FPGS: variants seen among roughly 807,000 people sequenced by gnomAD.
FPGS encodes the protein folylpolyglutamate synthase, mitochondrial.
Under a neutral mutation model 66.5 loss-of-function variants are expected in FPGS, and 53 were observed. The observed-to-expected ratio is 0.80, with a 90% CI of 0.64 to 1.00. FPGS has a LOEUF of 1.00. FPGS is among the 50% of genes least tolerant of loss of function. The pLI, the probability that FPGS is intolerant of heterozygous loss-of-function variation, is 0.00. For synonymous variants in FPGS, 348 were observed against 350.9 expected, an observed-to-expected ratio of 0.99 and a Z score of 0.09; for missense variants, 702 against 807.7, an observed-to-expected ratio of 0.87 and a Z score of 1.59.
At position 127,807,048 on chromosome 9, in the gene FPGS, G is replaced by A. The variant is rs1564442402; in HGVS notation, c.462G>A (p.Lys154=). ...GQPISPELFT[K]YFWRLYHRLE... ...CCATCAGTCCTGAGCTCTTCACCAA[G>A]TACTTCTGGCGCCTCTACCACCGGC... Residue 154 remains lysine (K), a synonymous_variant, in exon 5 of 15, where the codon AAG becomes AAA. Transcript: ENST00000373247. The surrounding 1 kb of genome is among the most constrained non-coding windows in gnomAD (Gnocchi z 5.8). 1.9e-6 allele frequency: 3 copies of A among 1,614,040 alleles called. No homozygotes were observed. The highest frequency in any genetic ancestry group is 1.1e-5 in the South Asian group (1 of 91,092).
At chr9:127,814,301 G>C (rs151246096), downstream of FPGS, 134 of 272,536 alleles carry the variant, frequency 4.9e-4, 1 homozygote, top group African/African-American at 2.9e-3. Flanking sequence ...CAGAGACCTT[G>C]TGATGGAGAA....
chr9:127,810,009 C>T lies in FPGS; in HGVS notation c.1212-22C>T, dbSNP rs1332825193. 11 of 1,603,860 alleles carry T rather than the reference C, an allele frequency of 6.9e-6. No individual in the cohort carries two copies. The South Asian group carries it at 1.2e-4, about 18-fold the overall frequency. On this transcript the variant is annotated intron_variant, in intron 12 of 14. Transcript: ENST00000373247. ...GGAGAACGGGCGGCGCCCTTTGACC[C>T]AGCTCCTCACCTCTGTCGCAGTGGC...
In FPGS at chr9:127,810,985, CAG is replaced by C. The variant is rs1405122663; in HGVS notation, c.1331_1332del (p.Glu444GlyfsTer95). ...TATGCCGTCTTCTGCCCTAACCTGA[CAG>C]AGGTGTCATCCACAGGCAACGCAGG... On this transcript the variant is annotated frameshift_variant, in exon 14 of 15. Coordinates refer to ENST00000373247, the MANE Select transcript of FPGS (RefSeq NM_004957.6). LOFTEE classifies it low-confidence loss of function (END_TRUNC). 5 of 1,590,060 alleles carry C rather than the reference CAG, an allele frequency of 3.1e-6. No homozygotes were observed. The African/African-American group carries it at 5.4e-5, about 17-fold the overall frequency.
chr9:127,805,989 C>G (rs1370957492), intron 4 of FPGS, among the ~76,000 whole-genome samples: 2 of 152,242 alleles, frequency 1.3e-5, no homozygotes, highest in Admixed American at 1.3e-4. Context: ...CTAAACAGTT[C>G]TTGTTCAAAT....
rs72547445 is a variant in FPGS at position 127,813,878 on chromosome 9, G to A, written c.*274G>A. 14 of 1,206,282 alleles carry A rather than the reference G, an allele frequency of 1.2e-5. No homozygotes were observed. Among genetic ancestry groups the A allele is most frequent in the Admixed American group, 8.9e-5 (2 of 22,500 alleles). 74.7% of individuals were successfully genotyped at this position (1,206,282 alleles called of 1,614,324 possible). A position where few individuals can be genotyped will look rare whatever the true frequency, so the allele number is the denominator to read the frequency against. On this transcript the variant is annotated 3_prime_UTR_variant, in exon 15 of 15. Transcript: ENST00000373247. ...TTCAGCCTGTCTCCCCCAACACCCCGCCTGCCTCCTGGCTCAGGCCCAGCT... is the reference window on the plus strand; with the variant it reads ...TTCAGCCTGTCTCCCCCAACACCCCACCTGCCTCCTGGCTCAGGCCCAGCT...
chr9:127,812,135 G>A (rs965211392), intron 14 of FPGS, among the ~76,000 whole-genome samples: 1 of 152,028 alleles, frequency 6.6e-6, no homozygotes, highest in African/African-American at 2.4e-5. Context: ...CGTGGTCCTA[G>A]CTACTCAGGA....
chr9:127,813,208 C>T lies in FPGS; in HGVS notation c.1368C>T (p.Phe456=). ...SSTGNADQQN[F]TVTLDQVLLR... is the part of the protein sequence containing the mutation. ...TGTGCCCCACAGACCAACAGAACTT[C>T]ACAGTGACACTGGACCAGGTCCTGC... Residue 456 remains phenylalanine, a synonymous_variant, in exon 15 of 15, where the codon TTC becomes TTT. Coordinates refer to ENST00000373247, the MANE Select transcript of FPGS (RefSeq NM_004957.6). 1 of 1,583,958 alleles carries T rather than the reference C, an allele frequency of 6.3e-7. No homozygotes were observed. The highest frequency in any genetic ancestry group is 1.1e-5 in the South Asian group (1 of 87,436).
Position 127,809,852 on chromosome 9 carries a change from G to GC in FPGS, c.1211+18_1211+19insC. ...CCGAGCGGGTGAGGGGCAGGGCTGGGGGTGGGGCCGGGGCTGGCCCACGAG... is the reference window on the plus strand; with the variant it reads ...CCGAGCGGGTGAGGGGCAGGGCTGGGCGGTGGGGCCGGGGCTGGCCCACGAG... On this transcript the variant is annotated intron_variant, in intron 12 of 14. Transcript: ENST00000373247. 1 of 1,434,198 alleles carries GC rather than the reference G, an allele frequency of 7.0e-7. No homozygotes were observed. The highest frequency in any genetic ancestry group is 9.2e-7 in the Non-Finnish European group (1 of 1,085,782). 88.8% of individuals were successfully genotyped at this position (1,434,198 alleles called of 1,614,324 possible). A position where few individuals can be genotyped will look rare whatever the true frequency, so the allele number is the denominator to read the frequency against.
In FPGS at chr9:127,803,016, G is replaced by T; in HGVS notation, c.92G>T (p.Gly31Val). 1 of 1,465,504 alleles carries T rather than the reference G, an allele frequency of 6.8e-7. No individual in the cohort carries two copies. The highest frequency in any genetic ancestry group is 9.0e-7 in the Non-Finnish European group (1 of 1,116,894). 90.8% of individuals were successfully genotyped at this position (1,465,504 alleles called of 1,614,324 possible). The change falls in exon 1 of 15, where the codon GGC (glycine) becomes GTC (valine). Residue 31 changes from glycine to valine, a missense_variant. Around this residue, in one of 3 missense-constraint regions of FPGS, gnomAD observed 111 missense variants for 95.4 expected, o/e 1.16. Transcript: ENST00000373247. ...GITTQVAARR[G>V]LSAWPVPQEP... Reference sequence around the variant, plus strand: ...ACGACCCAGGTCGCGGCGCGGCGGGGCTTGAGCGCGTGGCCGGTGCCGCAG... The same window carrying T: ...ACGACCCAGGTCGCGGCGCGGCGGGTCTTGAGCGCGTGGCCGGTGCCGCAG...
Position 127,810,858 on chromosome 9 carries a change from C to T in FPGS, c.1288-87C>T. On this transcript the variant is annotated intron_variant, in intron 13 of 14. Transcript: ENST00000373247. Reference sequence around the variant, plus strand: ...TCTAGTTGTCAGGGAGGCTGCATCTCCAGAGATGTGGGCGCAGGGGGCCAT... The same window carrying T: ...TCTAGTTGTCAGGGAGGCTGCATCTTCAGAGATGTGGGCGCAGGGGGCCAT... The T allele has an allele frequency of 8.7e-6, 6 of 689,184 alleles. No individual in the cohort carries two copies. The South Asian group carries it at 8.7e-5, about 10-fold the overall frequency. 42.7% of individuals were successfully genotyped at this position (689,184 alleles called of 1,614,324 possible). A position where few individuals can be genotyped will look rare whatever the true frequency, so the allele number is the denominator to read the frequency against.
chr9:127,810,234 T>G, intron 13 of FPGS, 128 bp downstream of exon 13: 2 of 781,936 alleles, frequency 2.6e-6, no homozygotes, highest in Non-Finnish European at 4.2e-6. Flanking sequence ...AAGGTGCCTG[T>G]GCTGGTTCTG....
In FPGS at chr9:127,811,003, G is replaced by A. The variant is rs1359778479; in HGVS notation, c.1346G>A (p.Gly449Asp). Residue 449 changes from glycine (G) to aspartate (D), a missense_variant, in exon 14 of 15, where the codon GGC becomes GAC. Physicochemically the swap from Gly to Asp is moderately conservative, Grantham distance 94. This residue lies in a region of FPGS where 351 missense variants were observed against 363.7 expected (regional missense o/e 0.97). Transcript: ENST00000373247. Reference sequence around the variant, plus strand: ...AACCTGACAGAGGTGTCATCCACAGGCAACGCAGGTGAGAGGTGACAGGCA... The same window carrying A: ...AACCTGACAGAGGTGTCATCCACAGACAACGCAGGTGAGAGGTGACAGGCA... ...CPNLTEVSST[G>D]NADQQNFTVT... The A allele has an allele frequency of 6.3e-7, 1 of 1,588,558 alleles. No homozygotes were observed. The highest frequency in any genetic ancestry group is 1.7e-5 in the Admixed American group (1 of 57,998).
chr9:127,813,974 G>C lies in FPGS; in HGVS notation c.*370G>C. 9.4e-7 allele frequency: 1 copy of C among 1,062,914 alleles called. No individual in the cohort carries two copies. Among genetic ancestry groups the C allele is most frequent in the Non-Finnish European group, 1.1e-6 (1 of 880,998 alleles). The allele number at this position is 1,062,914 out of a possible 1,614,324, so 65.8% of individuals were successfully genotyped here. A position where few individuals can be genotyped will look rare whatever the true frequency, so the allele number is the denominator to read the frequency against. On this transcript the variant is annotated 3_prime_UTR_variant, in exon 15 of 15. Transcript: ENST00000373247. ...GGGTGGTAGATTTCCTCCTCCCAGT[G>C]CCTTCTGGGAAGGGAGAGGGCCTCT...
intron 4 of FPGS, among the ~76,000 whole-genome samples, chr9:127,805,450 G>T (rs1829771821): frequency 6.6e-6 from 1 of 151,794 alleles, no homozygotes; most frequent in South Asian, 2.1e-4. Flanking sequence ...ATAGTCAGAT[G>T]GTCAGATGTC....
rs1395524624 is a variant in FPGS, at chr9:127,809,848, C to T, written c.1211+14C>T. Reference sequence around the variant, plus strand: ...GAGGCCGAGCGGGTGAGGGGCAGGGCTGGGGGTGGGGCCGGGGCTGGCCCA... The same window carrying T: ...GAGGCCGAGCGGGTGAGGGGCAGGGTTGGGGGTGGGGCCGGGGCTGGCCCA... On this transcript the variant is annotated intron_variant, in intron 12 of 14. Coordinates refer to ENST00000373247, the MANE Select transcript of FPGS (RefSeq NM_004957.6). 1.1e-6 allele frequency: 1 copy of T among 934,416 alleles called. No individual in the cohort carries two copies. Among genetic ancestry groups the T allele is most frequent in the Admixed American group, 2.8e-5 (1 of 35,898 alleles). The allele number at this position is 934,416 out of a possible 1,614,324, so 57.9% of individuals were successfully genotyped here.
At chr9:127,809,914 G>T in intron 12 of FPGS, 80 bp downstream of exon 12, 2 of 1,044,146 alleles carry the variant, frequency 1.9e-6, no homozygotes, top group Admixed American at 2.0e-5. Context: ...GGGCGGGGTC[G>T]TGGGGAAGGG....
At chr9:127,810,885 TG>T in intron 13 of FPGS, 59 bp from the exon 14 acceptor site, 1 of 877,768 alleles carries the variant, frequency 1.1e-6, no homozygotes. Flanking sequence ...GGGGGCCATA[TG>T]GAAGTTGGTG....
intron 4 of FPGS, chr9:127,806,638 G>A: frequency 3.2e-6 from 1 of 314,856 alleles, no homozygotes; most frequent in Admixed American, 4.2e-5. Context: ...TCTGAGAGCT[G>A]TAAGACAGAT....
rs897761001 is a variant in FPGS at position 127,811,431 on chromosome 9, G to A, written c.1354+420G>A. On this transcript the variant is annotated intron_variant, in intron 14 of 14. Coordinates refer to ENST00000373247, the MANE Select transcript of FPGS (RefSeq NM_004957.6). Reference sequence around the variant, plus strand: ...CGGGAGGCGGAGCTGGCAGTGAGCCGAGATCGCGCCACTGCACTCTAGGTC... The same window carrying A: ...CGGGAGGCGGAGCTGGCAGTGAGCCAAGATCGCGCCACTGCACTCTAGGTC... Among the ~76,000 whole-genome samples the A allele has an allele frequency of 2.0e-3, 302 of 151,946 alleles. 5 individuals carry two copies. Among genetic ancestry groups the A allele is most frequent in the Non-Finnish European group, 4.3e-4 (29 of 67,966 alleles).
Sources: gnomAD v4.1 joint callset for allele counts (sites outside exome capture counted in the v4.1 genomes callset) on GRCh38, gnomAD v4.1.1 for gene constraint, gnomAD v4.1.1 regional missense constraint, Gnocchi (gnomAD v3.1) non-coding constraint, MANE v1.5 for transcripts, NCBI Gene and HGNC (gene_info 2026-07-23, HGNC 2026-07-21) for gene names.